EPHB2: variants seen among roughly 807,000 people sequenced by gnomAD.
The protein encoded by EPHB2 is EPH receptor B2.
EPHB2 carries 18 observed loss-of-function variants against 96.4 expected under a neutral mutation model. The ratio of observed to expected loss-of-function variants is 0.19; its 90% CI spans 0.13 to 0.28. The LOEUF is 0.28. Among genes scored for constraint, EPHB2 ranks in the 10% least tolerant of loss-of-function variants. EPHB2 has a pLI of 1.00. For synonymous variants in EPHB2, 506 were observed against 534.1 expected (o/e 0.95, Z 0.72); for missense variants, 989 against 1,355.4 (o/e 0.73, Z 4.25).
At chr1:22,758,673 A>G (rs1644190616) in intron 1 of EPHB2, among the ~76,000 whole-genome samples, 1 of 150,506 alleles carries the variant, frequency 6.6e-6, no homozygotes, top group Non-Finnish European at 1.5e-5. Flanking sequence ...CTGCATGATC[A>G]GGTCACCTTT....
At chr1:22,862,949 G>C (rs529363271) in intron 3 of EPHB2, 88 bp from the exon 4 acceptor site, 2 of 1,560,232 alleles carry the variant, frequency 1.3e-6, no homozygotes, top group Non-Finnish European at 1.8e-6. Context: ...CCGCGAGGCT[G>C]TGTGGCCCCT....
intron 3 of EPHB2, among the ~76,000 whole-genome samples, chr1:22,810,612 C>T (rs1054686652): frequency 1.3e-5 from 2 of 152,196 alleles, no homozygotes; most frequent in Admixed American, 1.3e-4. Flanking sequence ...TTGGGAGTTT[C>T]CCAGTGGGTG....
At position 22,808,816 on chromosome 1, in the gene EPHB2, A is replaced by C. The variant is rs138234987; in HGVS notation, c.811+23740A>C. On this transcript the variant is annotated intron_variant, in intron 3 of 15. Transcript: ENST00000374630. ...AACTTACCCAACACCACACATCAGT[A>C]CGGGATGTGCAGGGCCAAGATTCAA... 1.0e-3 allele frequency among the ~76,000 whole-genome samples: 156 copies of C among 152,344 alleles called. 1 individual carries two copies. Among genetic ancestry groups the C allele is most frequent in the African/African-American group, 3.6e-3 (148 of 41,586 alleles).
rs548171634 is a variant in EPHB2 at position 22,846,421 on chromosome 1, CAA to C, written c.812-16602_812-16601del. Among the ~76,000 whole-genome samples the C allele has an allele frequency of 1.7e-4, 19 of 108,694 alleles. No homozygotes were observed. Among genetic ancestry groups the C allele is most frequent in the African/African-American group, 3.5e-4 (11 of 31,868 alleles). The allele number at this position is 108,694 out of a possible 152,430, so 71.3% of individuals were successfully genotyped here. Reference sequence around the variant, plus strand: ...ACAGAGTGAGAGTGAGACTCTGTCTCAAAAAAAAAAAAAAAGAAAAGAAAGTC... The same window carrying C: ...ACAGAGTGAGAGTGAGACTCTGTCTCAAAAAAAAAAAAAGAAAAGAAAGTC... On this transcript the variant is annotated intron_variant, in intron 3 of 15. Coordinates refer to ENST00000374630, the MANE Select transcript of EPHB2 (RefSeq NM_017449.5). The surrounding 1 kb of genome is among the most constrained non-coding windows in gnomAD (Gnocchi z 4.3).
chr1:22,786,149 T>A (rs1281208913), intron 3 of EPHB2, among the ~76,000 whole-genome samples: 1 of 152,180 alleles, frequency 6.6e-6, no homozygotes, highest in East Asian at 1.9e-4. Context: ...AATCACCCCT[T>A]CCACTCACTA....
intron 5 of EPHB2, among the ~76,000 whole-genome samples, chr1:22,871,357 T>C (rs1638659643): frequency 6.6e-6 from 1 of 152,084 alleles, no homozygotes. Flanking sequence ...ATTAACAGGG[T>C]CAGCCACTTA....
intron 3 of EPHB2, among the ~76,000 whole-genome samples, chr1:22,840,924 A>G (rs1645458073): frequency 6.6e-6 from 1 of 152,226 alleles, no homozygotes; most frequent in African/African-American, 2.4e-5. Flanking sequence ...ACTGAGGCAC[A>G]GAAAGATACC....
At chr1:22,821,107 T>C (rs7549224) in intron 3 of EPHB2, among the ~76,000 whole-genome samples, 37,955 of 152,122 alleles carry the variant, frequency 0.25, 5,291 homozygotes, top group East Asian at 0.54. Flanking sequence ...AGCTGGCTGC[T>C]AACCCTCCAA....
At chr1:22,899,530 A>G (rs865899274) in intron 9 of EPHB2, among the ~76,000 whole-genome samples, 15 of 152,300 alleles carry the variant, frequency 9.8e-5, no homozygotes, top group African/African-American at 3.6e-4. Flanking sequence ...TTTGGGGCAT[A>G]TATGTAAAAC....
rs7540682 is a variant in EPHB2 at position 22,860,116 on chromosome 1, G to A, written c.812-2921G>A. ...CAATGCTTCGTTCCTTTTTATGGCC[G>A]AATAGTATTCCAACGTATGTGCCAT... On this transcript the variant is annotated intron_variant, in intron 3 of 15. Coordinates refer to ENST00000374630, the MANE Select transcript of EPHB2 (RefSeq NM_017449.5). The surrounding 1 kb of genome is among the most constrained non-coding windows in gnomAD (Gnocchi z 4.6). Among the ~76,000 whole-genome samples the A allele has an allele frequency of 5.8e-3, 880 of 152,104 alleles. 13 individuals carry two copies. Among genetic ancestry groups the A allele is most frequent in the African/African-American group, 0.021 (851 of 41,492 alleles).
At chr1:22,811,494 G>T (rs540064793) in intron 3 of EPHB2, among the ~76,000 whole-genome samples, 3 of 152,314 alleles carry the variant, frequency 2.0e-5, no homozygotes, top group African/African-American at 7.2e-5. Context: ...CTCATGGGTG[G>T]TGAGATAAGG....
intron 1 of EPHB2, among the ~76,000 whole-genome samples, chr1:22,719,751 C>T (rs948482867): frequency 6.6e-6 from 1 of 152,100 alleles, no homozygotes; most frequent in Non-Finnish European, 1.5e-5. Context: ...TCTTCCAGCT[C>T]CAGGATTCAG....
intron 3 of EPHB2, among the ~76,000 whole-genome samples, chr1:22,808,723 T>C (rs1326358524): frequency 2.0e-5 from 3 of 152,238 alleles, no homozygotes; most frequent in African/African-American, 7.2e-5. Context: ...AACACCCTTA[T>C]GACACGGGTA....
Position 22,875,935 on chromosome 1 carries a change from C to T in EPHB2, c.1304-6424C>T, listed in dbSNP as rs1003993604. On this transcript the variant is annotated intron_variant, in intron 5 of 15. Coordinates refer to ENST00000374630, the MANE Select transcript of EPHB2 (RefSeq NM_017449.5). This position sits in a 1 kb window ranked among gnomAD's most constrained non-coding sequence, Gnocchi z 4.2. ...GGGGGAAGAGGTTTCCAAGCAGAAA[C>T]ACCATAGGGCCAAGGCCCTGAGGCA... Among the ~76,000 whole-genome samples the T allele has an allele frequency of 2.6e-5, 4 of 152,000 alleles. No individual in the cohort carries two copies. Among genetic ancestry groups the T allele is most frequent in the Admixed American group, 2.6e-4 (4 of 15,276 alleles).
chr1:22,816,461 C>T (rs1455526727), intron 3 of EPHB2, among the ~76,000 whole-genome samples: 1 of 152,196 alleles, frequency 6.6e-6, no homozygotes, highest in African/African-American at 2.4e-5. Context: ...ATTGGCCCAA[C>T]TCCCCCATCC....
intron 3 of EPHB2, among the ~76,000 whole-genome samples, chr1:22,794,749 G>A (rs1170988822): frequency 1.3e-5 from 2 of 152,136 alleles, no homozygotes; most frequent in African/African-American, 4.8e-5. Flanking sequence ...ATCTGACCCT[G>A]GAGCCCTGCA....
At chr1:22,838,604 T>G (rs936600367) in intron 3 of EPHB2, among the ~76,000 whole-genome samples, 1 of 152,146 alleles carries the variant, frequency 6.6e-6, no homozygotes, top group Non-Finnish European at 1.5e-5. Context: ...ATGTAGCTCC[T>G]GTCCCCGAAA....
At chr1:22,826,696 C>G (rs1451997167) in intron 3 of EPHB2, among the ~76,000 whole-genome samples, 3 of 152,228 alleles carry the variant, frequency 2.0e-5, no homozygotes, top group African/African-American at 7.2e-5. Flanking sequence ...GCTGGTCTGG[C>G]TCACTGTGTC....
chr1:22,863,612 A>G (rs770896222), intron 4 of EPHB2, among the ~76,000 whole-genome samples: 4 of 152,342 alleles, frequency 2.6e-5, no homozygotes, highest in Middle Eastern at 3.4e-3. Flanking sequence ...CAACCCCTGT[A>G]TCTGTCAGGG....
Sources: allele counts gnomAD v4.1 joint callset (sites outside exome capture counted in the v4.1 genomes callset), GRCh38; gene constraint gnomAD v4.1.1; non-coding constraint Gnocchi (gnomAD v3.1); transcripts MANE v1.5; gene names NCBI Gene and HGNC (gene_info 2026-07-23, HGNC 2026-07-21).